The following UBASH3B variants were observed in gnomAD, a reference collection of about 807,000 sequenced individuals.
UBASH3B encodes ubiquitin associated and SH3 domain containing B, also known as ubiquitin-associated and SH3 domain-containing protein B.
UBASH3B carries 37 observed loss-of-function variants against 83.4 expected under a neutral mutation model. The ratio of observed to expected loss-of-function variants is 0.44; its 90% confidence interval spans 0.34 to 0.58. The LOEUF is 0.58. Among genes scored for constraint, UBASH3B ranks in the 20% least tolerant of loss-of-function variants. The pLI is 0.01. For missense variants in UBASH3B, 657 were observed against 827.2 expected, an observed-to-expected ratio of 0.79 and a Z score of 2.52; for synonymous variants, 304 against 318.3, an observed-to-expected ratio of 0.96 and a Z score of 0.48.
intron 1 of UBASH3B, among the ~76,000 whole-genome samples, chr11:122,711,076 A>T (rs1185868929): frequency 1.3e-5 from 2 of 152,118 alleles, no homozygotes; most frequent in Admixed American, 6.6e-5. Flanking sequence ...TGGAAACGAG[A>T]TTCATGGAAG....
intron 1 of UBASH3B, among the ~76,000 whole-genome samples, chr11:122,728,065 G>T (rs114735293): frequency 1.3e-5 from 2 of 152,004 alleles, no homozygotes; most frequent in African/African-American, 4.8e-5. Context: ...CTCAAACTAC[G>T]GGGCTCAAGC....
intron 1 of UBASH3B, among the ~76,000 whole-genome samples, chr11:122,682,444 G>A (rs1426020789): frequency 1.3e-5 from 2 of 152,186 alleles, no homozygotes; most frequent in Non-Finnish European, 2.9e-5. Flanking sequence ...TGTGGGGCAA[G>A]GAGTGACTCT....
At chr11:122,762,107 C>T (rs902080540) in intron 1 of UBASH3B, among the ~76,000 whole-genome samples, 9 of 152,122 alleles carry the variant, frequency 5.9e-5, no homozygotes, top group Middle Eastern at 6.8e-3. Flanking sequence ...TCGCCATTAC[C>T]GTCAATGGCA....
intron 1 of UBASH3B, among the ~76,000 whole-genome samples, chr11:122,774,602 G>C (rs1326803046): frequency 6.6e-6 from 1 of 152,198 alleles, no homozygotes; most frequent in Non-Finnish European, 1.5e-5. Flanking sequence ...GGACAAGGAA[G>C]GAGGGGGTGA....
chr11:122,790,882 T>G (rs1336156920), intron 6 of UBASH3B, among the ~76,000 whole-genome samples: 1 of 150,048 alleles, frequency 6.7e-6, no homozygotes, highest in African/African-American at 2.5e-5. Context: ...ACCTAGGAGG[T>G]GGAGGTTGCA....
intron 1 of UBASH3B, among the ~76,000 whole-genome samples, chr11:122,657,533 C>A (rs1476448900): frequency 2.6e-5 from 4 of 152,166 alleles, no homozygotes; most frequent in African/African-American, 9.7e-5. Context: ...AGGTGATCCA[C>A]CCACCTCGGT....
rs79808504 is a variant in UBASH3B at position 122,703,064 on chromosome 11, G to A, written c.161+46854G>A. Reference sequence around the variant, plus strand: ...CTCTTTCCTCTTTCCCCCAAGCCTCGCCCACAGCAGGTACTTAGTAGATGT... The same window carrying A: ...CTCTTTCCTCTTTCCCCCAAGCCTCACCCACAGCAGGTACTTAGTAGATGT... On this transcript the variant is annotated intron_variant, in intron 1 of 13. Transcript: ENST00000284273. Among the ~76,000 whole-genome samples, 163 of 152,008 alleles carry A rather than the reference G, an allele frequency of 1.1e-3. 2 individuals carry two copies. The highest frequency in any genetic ancestry group is 1.8e-3 in the Non-Finnish European group (119 of 67,982).
chr11:122,750,264 G>GC (rs1213193305), intron 1 of UBASH3B, among the ~76,000 whole-genome samples: 4 of 152,038 alleles, frequency 2.6e-5, no homozygotes, highest in Admixed American at 6.5e-5. Context: ...CAGTTGCAGG[G>GC]CCCCCCCACC....
In UBASH3B at chr11:122,670,349, A is replaced by T. The variant is rs896501273; in HGVS notation, c.161+14139A>T. On this transcript the variant is annotated intron_variant, in intron 1 of 13. Transcript: ENST00000284273. ...AACCTCTGTGGTAGAAATAGGAAGC[A>T]TGTTCCTATTCTTGTGGCCTCAAGA... Among the ~76,000 whole-genome samples the T allele has an allele frequency of 5.3e-5, 8 of 152,176 alleles. No homozygotes were observed. In the East Asian group the frequency reaches 1.5e-3, roughly 29 times the overall value.
chr11:122,755,478 TG>T (rs1861269106), intron 1 of UBASH3B, among the ~76,000 whole-genome samples: 1 of 151,550 alleles, frequency 6.6e-6, no homozygotes, highest in South Asian at 2.1e-4. Flanking sequence ...CCACATGGAG[TG>T]CTGGTCTGAC....
chr11:122,779,217 A>G (rs1174789651), intron 3 of UBASH3B, among the ~76,000 whole-genome samples: 2 of 152,116 alleles, frequency 1.3e-5, no homozygotes, highest in East Asian at 1.9e-4. Flanking sequence ...TTTCGGCTCA[A>G]CCAGTCCTGC....
chr11:122,688,285 C>T (rs557505637), intron 1 of UBASH3B, among the ~76,000 whole-genome samples: 28 of 148,910 alleles, frequency 1.9e-4, no homozygotes, highest in African/African-American at 7.0e-4. Flanking sequence ...TTCCTTCCTC[C>T]CTCCCTCTTG....
At chr11:122,776,881 A>C (rs1860743852) in intron 2 of UBASH3B, 143 bp from the exon 3 acceptor site, 4 of 696,678 alleles carry the variant, frequency 5.7e-6, no homozygotes, top group East Asian at 3.1e-5. Flanking sequence ...TTCCAGAAGT[A>C]GATTTTTAAA....
In UBASH3B at chr11:122,779,535, G is replaced by T. The variant is rs1860810526; in HGVS notation, c.441G>T (p.Leu147=). ...AGGTGGATGCCCTGGGGGAAGCCCT[G>T]CAGACCACGGTCAGTCGCTGGAAAT... is the stretch of plus-strand genomic sequence containing the variant. ...DSKVDALGEA[L]QTTVSRWKCK... is the part of the protein sequence containing the mutation. The change falls in exon 4 of 14, where the codon CTG becomes CTT. Residue 147 remains leucine (L), a synonymous_variant. Coordinates refer to ENST00000284273, the MANE Select transcript of UBASH3B (RefSeq NM_032873.5). 1 of 1,614,070 alleles carries T rather than the reference G, an allele frequency of 6.2e-7. No individual in the cohort carries two copies. The highest frequency in any genetic ancestry group is 1.1e-5 in the South Asian group (1 of 91,078).
intron 1 of UBASH3B, among the ~76,000 whole-genome samples, chr11:122,690,214 T>TATATATAAATATATA (rs1863873410): frequency 3.8e-5 from 2 of 52,684 alleles, no homozygotes; most frequent in Non-Finnish European, 6.6e-5. Flanking sequence ...ATATATCCAA[T>TATATATAAATATATA]TATATATATA....
At chr11:122,662,930 T>C (rs1863464791) in intron 1 of UBASH3B, among the ~76,000 whole-genome samples, 1 of 151,778 alleles carries the variant, frequency 6.6e-6, no homozygotes, top group Non-Finnish European at 1.5e-5. Context: ...TATAACCCCT[T>C]GCACACAGCT....
chr11:122,765,087 C>CT lies in UBASH3B; in HGVS notation c.162-11121dup, dbSNP rs140210194. 8.0e-3 allele frequency among the ~76,000 whole-genome samples: 1,182 copies of CT among 146,916 alleles called. 19 individuals are homozygous for CT. Among genetic ancestry groups the CT allele is most frequent in the African/African-American group, 0.027 (1,084 of 40,106 alleles). On this transcript the variant is annotated intron_variant, in intron 1 of 13. Transcript: ENST00000284273. ...TTTTTGTTTTATAGTCATAAAAGCCCTTTTTTTTTTTCATGTCTAGACTTG... is the reference window on the plus strand; with the variant it reads ...TTTTTGTTTTATAGTCATAAAAGCCCTTTTTTTTTTTTCATGTCTAGACTTG...
chr11:122,808,278 A>G, intron 13 of UBASH3B, 102 bp downstream of exon 13: 1 of 929,538 alleles, frequency 1.1e-6, no homozygotes, highest in Non-Finnish European at 1.8e-6. Context: ...GTTTATGCTG[A>G]GCTGGGAATA....
chr11:122,669,588 GC>G, intron 1 of UBASH3B, among the ~76,000 whole-genome samples: 1 of 152,292 alleles, frequency 6.6e-6, no homozygotes, highest in Middle Eastern at 3.4e-3. Context: ...CGCTTGGTCT[GC>G]CTTTCCCCTG....
Sources: gnomAD v4.1 joint callset for allele counts (sites outside exome capture counted in the v4.1 genomes callset) on GRCh38, gnomAD v4.1.1 for gene constraint, MANE v1.5 for transcripts, NCBI Gene and HGNC (gene_info 2026-07-23, HGNC 2026-07-21) for gene names.